Variants in NELL1 observed in about 807,000 individuals in gnomAD.
The protein encoded by NELL1 is neural EGFL like 1, also known as protein kinase C-binding protein NELL1.
NELL1 carries 76 observed loss-of-function variants against 107.4 expected under a neutral mutation model. That is an observed-to-expected ratio of 0.71 (90% confidence interval 0.59 to 0.86). The LOEUF is 0.86. Among genes scored for constraint, NELL1 ranks in the 40% least tolerant of loss-of-function variants. The pLI, the probability that NELL1 is intolerant of heterozygous loss-of-function variation, is 0.00. For synonymous variants in NELL1, 353 were observed against 341.2 expected (o/e 1.03, Z -0.38); for missense variants, 1,024 against 1,005.5 (o/e 1.02, Z -0.25).
intron 14 of NELL1, chr11:21,260,148 G>A (rs1858869284): frequency 6.6e-6 from 1 of 151,830 alleles, no homozygotes; most frequent in African/African-American, 2.4e-5. Context: ...CTGACATTCA[G>A]ACCTTGGTGA....
intron 12 of NELL1, among the ~76,000 whole-genome samples, chr11:20,966,252 A>T (rs2134222435): frequency 6.6e-6 from 1 of 152,274 alleles, no homozygotes; most frequent in Non-Finnish European, 1.5e-5. Flanking sequence ...TCATCATCAC[A>T]GGTGAAAGGC....
chr11:20,952,370 A>G (rs761596563), intron 11 of NELL1, among the ~76,000 whole-genome samples: 8 of 152,160 alleles, frequency 5.3e-5, no homozygotes, highest in Non-Finnish European at 1.2e-4. Flanking sequence ...TTGTACTGTT[A>G]AAGATTTTAT....
At chr11:21,553,812 C>G (rs1206936968) in intron 16 of NELL1, among the ~76,000 whole-genome samples, 1 of 151,702 alleles carries the variant, frequency 6.6e-6, no homozygotes, top group Non-Finnish European at 1.5e-5. Context: ...GCTAAGCATA[C>G]AAGAAAACAT....
intron 16 of NELL1, among the ~76,000 whole-genome samples, chr11:21,546,598 C>G (rs1856449311): frequency 6.6e-6 from 1 of 151,944 alleles, no homozygotes. Flanking sequence ...TTCCCCTGCA[C>G]ACACTCTATT....
intron 3 of NELL1, among the ~76,000 whole-genome samples, chr11:20,786,374 C>T (rs1175229652): frequency 2.0e-5 from 3 of 149,520 alleles, no homozygotes; most frequent in Non-Finnish European, 3.0e-5. Flanking sequence ...AAAAAAAAGG[C>T]GGGGGGAGAA....
intron 14 of NELL1, among the ~76,000 whole-genome samples, chr11:21,368,043 A>AT (rs139095628): frequency 0.018 from 2,704 of 152,240 alleles, 89 homozygotes; most frequent in African/African-American, 0.061. Context: ...ATACATCAGT[A>AT]TTTCTGATAT....
At chr11:21,529,392 G>C (rs1855940567) in intron 15 of NELL1, among the ~76,000 whole-genome samples, 1 of 152,154 alleles carries the variant, frequency 6.6e-6, no homozygotes, top group Non-Finnish European at 1.5e-5. Flanking sequence ...AGAGAAACAA[G>C]AGATAGAAGA....
rs77780723 is a variant in NELL1 at position 20,851,858 on chromosome 11, G to A, written c.506+4105G>A. 5.1e-3 allele frequency among the ~76,000 whole-genome samples: 778 copies of A among 152,264 alleles called. 6 individuals are homozygous for A. Among genetic ancestry groups the A allele is most frequent in the African/African-American group, 0.018 (742 of 41,562 alleles). On this transcript the variant is annotated intron_variant, in intron 4 of 19. Coordinates refer to ENST00000357134, the MANE Select transcript of NELL1 (RefSeq NM_006157.5). The stretch of plus-strand genomic sequence containing the variant: ...CTCACAGTGATTGGGCCTAGTCCCT[G>A]GGTATCAGAGGAAGCCTGGATGCAG...
intron 2 of NELL1, among the ~76,000 whole-genome samples, chr11:20,708,570 A>T (rs772578598): frequency 6.6e-6 from 1 of 151,282 alleles, no homozygotes; most frequent in Non-Finnish European, 1.5e-5. Flanking sequence ...TGATGGTATT[A>T]TTTGCTTTTT....
At chr11:21,433,261 C>T (rs1320692835) in intron 15 of NELL1, among the ~76,000 whole-genome samples, 2 of 152,096 alleles carry the variant, frequency 1.3e-5, no homozygotes, top group African/African-American at 2.4e-5. Flanking sequence ...GCCACATTTT[C>T]TGTATCCATT....
intron 12 of NELL1, among the ~76,000 whole-genome samples, chr11:21,059,599 T>C (rs1271285277): frequency 6.6e-6 from 1 of 152,236 alleles, no homozygotes; most frequent in East Asian, 1.9e-4. Flanking sequence ...AATTAAGAGC[T>C]TTTTACTTTC....
At chr11:21,476,147 T>C (rs984427328) in intron 15 of NELL1, among the ~76,000 whole-genome samples, 1 of 152,112 alleles carries the variant, frequency 6.6e-6, no homozygotes, top group Non-Finnish European at 1.5e-5. Context: ...CCAATATCAT[T>C]TGCATTAAAC....
In NELL1 at chr11:21,108,814, T is replaced by C. The variant is rs184611885; in HGVS notation, c.1301-4775T>C. Among the ~76,000 whole-genome samples, 3 of 152,120 alleles carry C rather than the reference T, an allele frequency of 2.0e-5. No individual in the cohort carries two copies. The South Asian group carries it at 6.2e-4, about 31-fold the overall frequency. ...GGAAGCAGTGATGCACGGAGCAGAA[T>C]TGCCATTTTAACAGAGAATGTAATG... is the stretch of plus-strand genomic sequence containing the variant. On this transcript the variant is annotated intron_variant, in intron 12 of 19. Transcript: ENST00000357134.
At position 21,367,302 on chromosome 11, in the gene NELL1, A is replaced by G. The variant is rs964520583; in HGVS notation, c.1550-3551A>G. ...CACACACACACACACACACACACAC[A>G]ATCTATTTTTGCCACACTTCAGAAT... is the stretch of plus-strand genomic sequence containing the variant. On this transcript the variant is annotated intron_variant, in intron 14 of 19. Coordinates refer to ENST00000357134, the MANE Select transcript of NELL1 (RefSeq NM_006157.5). Among the ~76,000 whole-genome samples the G allele has an allele frequency of 4.0e-5, 5 of 124,764 alleles. No homozygotes were observed. The South Asian group carries it at 1.3e-3, about 33-fold the overall frequency. 81.9% of individuals were successfully genotyped at this position (124,764 alleles called of 152,430 possible).
intron 13 of NELL1, among the ~76,000 whole-genome samples, chr11:21,152,416 C>T (rs1278882475): frequency 6.6e-6 from 1 of 152,152 alleles, no homozygotes; most frequent in African/African-American, 2.4e-5. Context: ...AATGTTGAAC[C>T]AGCAAAGACA....
At chr11:21,202,362 A>G (rs1857289289) in intron 13 of NELL1, among the ~76,000 whole-genome samples, 2 of 152,142 alleles carry the variant, frequency 1.3e-5, no homozygotes, top group African/African-American at 2.4e-5. Context: ...TAGGAGGTAT[A>G]TATGTCCAGG....
chr11:21,007,782 A>T (rs1460785856), intron 12 of NELL1, among the ~76,000 whole-genome samples: 3 of 152,104 alleles, frequency 2.0e-5, no homozygotes, highest in African/African-American at 4.8e-5. Flanking sequence ...TCGGATTTAG[A>T]TGCCCACTTA....
intron 2 of NELL1, among the ~76,000 whole-genome samples, chr11:20,767,779 G>A (rs1856562622): frequency 6.6e-6 from 1 of 152,188 alleles, no homozygotes; most frequent in Non-Finnish European, 1.5e-5. Context: ...TGCACATCAT[G>A]TGACAGGCAC....
chr11:20,918,207 T>A lies in NELL1; in HGVS notation c.629T>A (p.Ile210Asn), dbSNP rs1462386354. Residue 210 changes from isoleucine to asparagine, a missense_variant, in exon 6 of 20, where the codon ATC becomes AAC. Ile to Asn is a moderately radical substitution (Grantham distance 149, BLOSUM62 -3). Coordinates refer to ENST00000357134, the MANE Select transcript of NELL1 (RefSeq NM_006157.5). ...FKGIIQDGKI[I>N]FMPNGYITQC... ...GGGATCATCCAAGATGGGAAGATCA[T>A]CTTTATGCCGAATGGATATATAACA... 1 of 1,601,508 alleles carries A rather than the reference T, an allele frequency of 6.2e-7. No individual in the cohort carries two copies. Among genetic ancestry groups the A allele is most frequent in the Non-Finnish European group, 8.6e-7 (1 of 1,169,336 alleles).
Sources: gnomAD v4.1 joint callset for allele counts (sites outside exome capture counted in the v4.1 genomes callset) on GRCh38, gnomAD v4.1.1 for gene constraint, MANE v1.5 for transcripts, NCBI Gene and HGNC (gene_info 2026-07-23, HGNC 2026-07-21) for gene names.